Variants in SLIT3 observed in about 807,000 individuals in gnomAD.
SLIT3 encodes the protein slit guidance ligand 3, also known as slit homolog 3 protein.
Under a neutral mutation model 184.0 loss-of-function variants are expected in SLIT3, and 68 were observed. That is an observed-to-expected ratio of 0.37 (90% CI 0.30 to 0.45). SLIT3 has a LOEUF of 0.45. SLIT3 is among the 20% of genes least tolerant of loss of function. SLIT3 has a pLI of 1.00. For synonymous variants in SLIT3, 831 were observed against 828.6 expected (o/e 1.00, Z -0.05); for missense variants, 1,707 against 2,026.0 (o/e 0.84, Z 3.02).
chr5:169,170,918 T>G (rs1762797643), intron 4 of SLIT3, among the ~76,000 whole-genome samples: 1 of 152,182 alleles, frequency 6.6e-6, no homozygotes, highest in South Asian at 2.1e-4. Context: ...TAACAATCTA[T>G]TCTGTGCAAA....
intron 5 of SLIT3, among the ~76,000 whole-genome samples, chr5:168,849,991 C>T (rs975888999): frequency 4.0e-5 from 6 of 151,604 alleles, no homozygotes; most frequent in African/African-American, 1.5e-4. Flanking sequence ...TTTTTTATGA[C>T]AGTTTAACAT....
intron 3 of SLIT3, among the ~76,000 whole-genome samples, chr5:169,208,593 A>C (rs1223553482): frequency 1.3e-5 from 2 of 152,184 alleles, no homozygotes; most frequent in Non-Finnish European, 2.9e-5. Context: ...AGATATATAG[A>C]CCAATGGAAC....
chr5:168,691,958 T>C (rs1761921177), intron 29 of SLIT3, among the ~76,000 whole-genome samples: 2 of 152,268 alleles, frequency 1.3e-5, no homozygotes, highest in East Asian at 1.9e-4. Flanking sequence ...AGGAGTGCCA[T>C]TGGATCCTCA....
intron 5 of SLIT3, among the ~76,000 whole-genome samples, chr5:168,881,811 C>T (rs1158228813): frequency 1.3e-5 from 2 of 152,182 alleles, no homozygotes; most frequent in Non-Finnish European, 2.9e-5. Context: ...AAGATATAAA[C>T]TCAGGAGGCT....
chr5:168,760,815 C>A (rs998235192), intron 16 of SLIT3, 47 bp downstream of exon 16: 2 of 1,407,536 alleles, frequency 1.4e-6, no homozygotes, highest in African/African-American at 2.8e-5. Flanking sequence ...AACACAGGCT[C>A]TGGCTAGAGA....
chr5:168,730,306 A>G (rs1480091108), intron 20 of SLIT3, among the ~76,000 whole-genome samples: 1 of 152,112 alleles, frequency 6.6e-6, no homozygotes, highest in Admixed American at 6.5e-5. Context: ...TACTGACAGC[A>G]CTAGACAGAT....
At chr5:168,904,480 T>G (rs1171254633) in intron 4 of SLIT3, among the ~76,000 whole-genome samples, 1 of 110,436 alleles carries the variant, frequency 9.1e-6, no homozygotes, top group Non-Finnish European at 2.0e-5. Context: ...AATCTTACTT[T>G]AGAAATAACA....
At chr5:168,857,157 C>T (rs1758912843) in intron 5 of SLIT3, among the ~76,000 whole-genome samples, 1 of 152,074 alleles carries the variant, frequency 6.6e-6, no homozygotes, top group African/African-American at 2.4e-5. Context: ...GCCAGCTCTA[C>T]CCACAAGCTT....
intron 4 of SLIT3, chr5:169,030,396 C>T (rs1162021203): frequency 6.6e-6 from 1 of 152,208 alleles, no homozygotes; most frequent in East Asian, 1.9e-4. Context: ...ATGGGGGCCA[C>T]TGAGGCTTTC....
At chr5:168,754,588 C>T (rs568367752) in intron 16 of SLIT3, among the ~76,000 whole-genome samples, 1 of 152,132 alleles carries the variant, frequency 6.6e-6, no homozygotes, top group African/African-American at 2.4e-5. Flanking sequence ...CTATAGTTAA[C>T]AACAATATGT....
At chr5:169,065,686 G>A (rs1758329576) in intron 4 of SLIT3, among the ~76,000 whole-genome samples, 1 of 152,124 alleles carries the variant, frequency 6.6e-6, no homozygotes, top group African/African-American at 2.4e-5. Context: ...TGCCACTGTG[G>A]GGCAACGAGG....
intron 4 of SLIT3, among the ~76,000 whole-genome samples, chr5:169,074,985 G>C (rs1250195849): frequency 2.0e-5 from 3 of 152,224 alleles, no homozygotes; most frequent in African/African-American, 7.2e-5. Flanking sequence ...AATTAATTAG[G>C]CTGAGAGCTC....
At chr5:169,175,596 C>T (rs1007813703) in intron 4 of SLIT3, among the ~76,000 whole-genome samples, 6 of 152,148 alleles carry the variant, frequency 3.9e-5, no homozygotes, top group African/African-American at 1.2e-4. Context: ...ATAATAGTTG[C>T]TGCTTCGTGG....
intron 4 of SLIT3, among the ~76,000 whole-genome samples, chr5:168,901,448 A>C (rs1008565642): frequency 6.6e-6 from 1 of 152,156 alleles, no homozygotes; most frequent in African/African-American, 2.4e-5. Context: ...AAGAATCTCC[A>C]TCCTCAACCC....
At chr5:169,198,814 C>A (rs1030356494) in intron 3 of SLIT3, among the ~76,000 whole-genome samples, 2 of 151,982 alleles carry the variant, frequency 1.3e-5, no homozygotes, top group Non-Finnish European at 2.9e-5. Context: ...CATCTGTAAT[C>A]CCCGCTACTC....
intron 20 of SLIT3, among the ~76,000 whole-genome samples, chr5:168,725,955 T>C (rs540420738): frequency 6.6e-6 from 1 of 152,324 alleles, no homozygotes; most frequent in African/African-American, 2.4e-5. Context: ...TTTCCTCCTA[T>C]GGCTGGCCCC....
intron 16 of SLIT3, among the ~76,000 whole-genome samples, chr5:168,759,960 T>C (rs549048387): frequency 2.6e-4 from 40 of 152,256 alleles, no homozygotes; most frequent in East Asian, 1.9e-3. Flanking sequence ...TGCTGGTACC[T>C]CTGCTGGGGG....
At chr5:169,202,003 A>G (rs77492118) in intron 3 of SLIT3, among the ~76,000 whole-genome samples, 84,020 of 152,002 alleles carry the variant, frequency 0.55, 23,607 homozygotes, top group East Asian at 0.69. Flanking sequence ...AGGCCAAAGC[A>G]GGAGGATTGC....
intron 4 of SLIT3, among the ~76,000 whole-genome samples, chr5:169,086,927 T>G (rs556929803): frequency 2.0e-5 from 3 of 152,282 alleles, no homozygotes; most frequent in East Asian, 3.9e-4. Flanking sequence ...AATGCAAGTT[T>G]GGAGAAGCTA....
Sources: allele counts gnomAD v4.1 joint callset (sites outside exome capture counted in the v4.1 genomes callset), GRCh38; gene constraint gnomAD v4.1.1; transcripts MANE v1.5; gene names NCBI Gene and HGNC (gene_info 2026-07-23, HGNC 2026-07-21).